PTGER3: variants seen among roughly 807,000 people sequenced by gnomAD.
PTGER3 encodes prostaglandin E2 receptor EP3 subtype.
Under a neutral mutation model 34.7 loss-of-function variants are expected in PTGER3, and 22 were observed. That is an observed-to-expected ratio of 0.63 (90% CI 0.45 to 0.91). The LOEUF (loss-of-function observed/expected upper bound fraction) is 0.91, where lower values mean the gene tolerates loss of function less well. PTGER3 is among the 40% of genes least tolerant of loss of function. PTGER3 has a pLI of 0.00. For synonymous variants in PTGER3, 241 were observed against 230.1 expected (o/e 1.05, Z -0.43); for missense variants, 468 against 519.4 (o/e 0.90, Z 0.96).
intron 4 of PTGER3, among the ~76,000 whole-genome samples, chr1:70,922,667 A>G (rs978824875): frequency 3.7e-4 from 57 of 152,296 alleles, no homozygotes; most frequent in Non-Finnish European, 7.4e-5. Flanking sequence ...CATAACATGT[A>G]TCTGAGACTA....
chr1:70,998,996 A>G (rs1429578726), intron 2 of PTGER3, among the ~76,000 whole-genome samples: 3 of 152,018 alleles, frequency 2.0e-5, no homozygotes, highest in Non-Finnish European at 2.9e-5. Flanking sequence ...CGTGGCTAAC[A>G]CGGTGAAACC....
intron 4 of PTGER3, among the ~76,000 whole-genome samples, chr1:70,899,418 T>C (rs368422874): frequency 2.3e-4 from 35 of 152,244 alleles, no homozygotes; most frequent in African/African-American, 8.4e-4. Context: ...AAAGCATGAA[T>C]GAAAATTGAT....
At chr1:70,965,396 T>C (rs574827571) in intron 2 of PTGER3, among the ~76,000 whole-genome samples, 43 of 152,160 alleles carry the variant, frequency 2.8e-4, no homozygotes, top group Non-Finnish European at 4.9e-4. Flanking sequence ...AGATGGGAAA[T>C]GATGGAGACC....
chr1:70,937,378 G>A (rs1399056348), intron 4 of PTGER3, among the ~76,000 whole-genome samples: 2 of 152,128 alleles, frequency 1.3e-5, no homozygotes, highest in African/African-American at 4.8e-5. Context: ...CTAGGTGTGG[G>A]GTTAAATTGA....
chr1:70,929,955 A>C (rs1017556996), intron 4 of PTGER3, among the ~76,000 whole-genome samples: 1 of 152,198 alleles, frequency 6.6e-6, no homozygotes, highest in Admixed American at 6.5e-5. Context: ...TCAGCTTAGA[A>C]ATGCTTCCTC....
chr1:70,945,488 C>T (rs74587362), intron 4 of PTGER3, among the ~76,000 whole-genome samples: 2,842 of 152,140 alleles, frequency 0.019, 89 homozygotes, highest in African/African-American at 0.064. Context: ...TCCAAGGACT[C>T]GGAGTCATGG....
intron 4 of PTGER3, among the ~76,000 whole-genome samples, chr1:70,937,012 G>T (rs766293433): frequency 3.2e-4 from 48 of 152,266 alleles, no homozygotes; most frequent in Non-Finnish European, 5.9e-4. Flanking sequence ...TCTAAAAGGG[G>T]AAGAAGTTCC....
At chr1:71,024,131 T>A (rs553999673) in intron 1 of PTGER3, among the ~76,000 whole-genome samples, 111 of 152,292 alleles carry the variant, frequency 7.3e-4, no homozygotes, top group African/African-American at 2.5e-3. Flanking sequence ...GTTCTCACCA[T>A]TTTTTACCCT....
intron 1 of PTGER3, among the ~76,000 whole-genome samples, chr1:71,045,174 T>C (rs1265792186): frequency 6.6e-6 from 1 of 152,226 alleles, no homozygotes; most frequent in Non-Finnish European, 1.5e-5. Context: ...CTCATGTCAC[T>C]GATTTGGAGC....
chr1:70,947,675 C>T (rs1650344884), downstream of PTGER3, among the ~76,000 whole-genome samples: 1 of 152,112 alleles, frequency 6.6e-6, no homozygotes, highest in Admixed American at 6.6e-5. Flanking sequence ...CCAGGCTTTC[C>T]CACTACTGTA....
chr1:70,989,131 C>T lies in PTGER3; in HGVS notation c.1078-14743G>A, dbSNP rs542778326. On this transcript the variant is annotated intron_variant, in intron 2 of 3. Transcript: ENST00000306666. ...ATAAAAATCTGCTCTGCCCTCCTAC[C>T]GGGTTTACAATACAGATAGTGGCAC... 4.6e-4 allele frequency among the ~76,000 whole-genome samples: 70 copies of T among 152,204 alleles called. 1 individual carries two copies. Among genetic ancestry groups the T allele is most frequent in the African/African-American group, 1.6e-3 (68 of 41,506 alleles).
chr1:70,901,647 G>T (rs1243523605), intron 4 of PTGER3, among the ~76,000 whole-genome samples: 1 of 152,190 alleles, frequency 6.6e-6, no homozygotes, highest in Non-Finnish European at 1.5e-5. Flanking sequence ...TAAGGAATAT[G>T]TGAGTATAAC....
chr1:71,022,141 A>C (rs1658475964), intron 1 of PTGER3, among the ~76,000 whole-genome samples: 1 of 151,842 alleles, frequency 6.6e-6, no homozygotes. Flanking sequence ...GCTATTTTTT[A>C]CACTTTAAAA....
At chr1:71,032,592 T>C (rs1659503502) in intron 1 of PTGER3, among the ~76,000 whole-genome samples, 1 of 152,180 alleles carries the variant, frequency 6.6e-6, no homozygotes, top group Non-Finnish European at 1.5e-5. Flanking sequence ...GAGCAGAGCC[T>C]GAAGTGGGGA....
intron 2 of PTGER3, among the ~76,000 whole-genome samples, chr1:70,959,914 T>A (rs1651751437): frequency 6.6e-6 from 1 of 152,084 alleles, no homozygotes. Flanking sequence ...GCGACCTTAT[T>A]TGAAAATAAG....
At chr1:70,855,397 A>T (rs1364867199) in intron 4 of PTGER3, among the ~76,000 whole-genome samples, 1 of 152,204 alleles carries the variant, frequency 6.6e-6, no homozygotes, top group African/African-American at 2.4e-5. Context: ...GATCTATTGC[A>T]CAACAATGTG....
chr1:71,041,946 T>C (rs1248538455), intron 1 of PTGER3, among the ~76,000 whole-genome samples: 1 of 152,174 alleles, frequency 6.6e-6, no homozygotes, highest in African/African-American at 2.4e-5. Context: ...AGATGAATCA[T>C]AGTCTGTTAC....
intron 2 of PTGER3, chr1:71,006,635 A>G: frequency 1.0e-6 from 1 of 979,402 alleles, no homozygotes; most frequent in Non-Finnish European, 1.2e-6. Context: ...ATCGGAAAAG[A>G]GCAACTCTCA....
chr1:70,861,036 C>T (rs573871590), intron 4 of PTGER3, among the ~76,000 whole-genome samples: 1 of 152,282 alleles, frequency 6.6e-6, no homozygotes, highest in South Asian at 2.1e-4. Context: ...GTTATTAATT[C>T]AGCCTAAGGG....
Sources: allele counts gnomAD v4.1 joint callset (sites outside exome capture counted in the v4.1 genomes callset), GRCh38; gene constraint gnomAD v4.1.1; transcripts MANE v1.5; gene names NCBI Gene and HGNC (gene_info 2026-07-23, HGNC 2026-07-21).